The following ZNF385D variants were observed in gnomAD, a reference collection of about 807,000 sequenced individuals.
ZNF385D encodes zinc finger protein 659.
In ZNF385D, 15 loss-of-function variants were observed where a neutral mutation model predicts 35.8. The ratio of observed to expected loss-of-function variants is 0.42; its 90% CI spans 0.28 to 0.64. The LOEUF (loss-of-function observed/expected upper bound fraction) is 0.64, where lower values mean the gene tolerates loss of function less well. Among genes scored for constraint, ZNF385D ranks in the 30% least tolerant of loss-of-function variants. The pLI is 0.23. For synonymous variants in ZNF385D, 212 were observed against 186.8 expected (o/e 1.13, Z -1.10); for missense variants, 474 against 494.6 (o/e 0.96, Z 0.39).
chr3:22,342,244 T>A (rs2125480606), intron 2 of ZNF385D, among the ~76,000 whole-genome samples: 1 of 115,706 alleles, frequency 8.6e-6, no homozygotes, highest in East Asian at 2.8e-4. Context: ...CCCATTGCAC[T>A]CCAGCCTGGG....
intron 3 of ZNF385D, among the ~76,000 whole-genome samples, chr3:21,975,685 C>T (rs952585102): frequency 7.4e-6 from 1 of 136,002 alleles, no homozygotes; most frequent in Non-Finnish European, 1.6e-5. Context: ...AAATATATAC[C>T]TATTATGTAC....
chr3:21,708,464 T>A (rs1452480579), intron 1 of ZNF385D, among the ~76,000 whole-genome samples: 3 of 152,312 alleles, frequency 2.0e-5, no homozygotes, highest in Middle Eastern at 3.4e-3. Context: ...TGAACTGTTA[T>A]TCCCTCCTCC....
rs559136495 is a variant in ZNF385D at position 21,964,513 on chromosome 3, G to A, written c.325+204304C>T. On this transcript the variant is annotated intron_variant, in intron 3 of 5. Transcript: ENST00000494108. ...TTTTTTTTTTTTTTTTTTCTGAGAC[G>A]GAGTCTCACTCTGTCGCCCAGGCTG... is the stretch of plus-strand genomic sequence containing the variant. 1.1e-4 allele frequency among the ~76,000 whole-genome samples: 12 copies of A among 107,298 alleles called. No homozygotes were observed. In the South Asian group the frequency reaches 1.3e-3, roughly 11 times the overall value. The allele number at this position is 107,298 out of a possible 152,430, so 70.4% of individuals were successfully genotyped here.
At chr3:21,805,987 T>C (rs2125695582) in intron 3 of ZNF385D, among the ~76,000 whole-genome samples, 1 of 152,234 alleles carries the variant, frequency 6.6e-6, no homozygotes, top group African/African-American at 2.4e-5. Flanking sequence ...ACTGTAAAAA[T>C]ACAATGTCTA....
intron 3 of ZNF385D, among the ~76,000 whole-genome samples, chr3:22,033,563 A>G (rs949972825): frequency 2.6e-5 from 4 of 152,064 alleles, no homozygotes; most frequent in African/African-American, 9.7e-5. Context: ...ATGTCACAGA[A>G]GGAGGTAGTA....
intron 2 of ZNF385D, among the ~76,000 whole-genome samples, chr3:22,261,733 T>A (rs1459380256): frequency 2.6e-5 from 4 of 151,946 alleles, no homozygotes. Context: ...GCCTCCAGGT[T>A]GTCGTGTTCC....
chr3:22,343,749 TTAAA>T (rs1226106290), intron 2 of ZNF385D, among the ~76,000 whole-genome samples: 1 of 152,230 alleles, frequency 6.6e-6, no homozygotes, highest in Non-Finnish European at 1.5e-5. Flanking sequence ...TCTGAGAACA[TTAAA>T]TAATAGACCT....
intron 3 of ZNF385D, among the ~76,000 whole-genome samples, chr3:21,978,973 G>A (rs1028538671): frequency 6.6e-6 from 1 of 152,012 alleles, no homozygotes; most frequent in East Asian, 1.9e-4. Flanking sequence ...ATTTAAATTT[G>A]AAAGCTTATT....
rs560012103 is a variant in ZNF385D at position 21,769,287 on chromosome 3, T to A, written c.326-104259A>T. 1.7e-4 allele frequency among the ~76,000 whole-genome samples: 14 copies of A among 83,062 alleles called. No homozygotes were observed. In the East Asian group the frequency reaches 8.2e-3, roughly 48 times the overall value. 54.5% of individuals were successfully genotyped at this position (83,062 alleles called of 152,430 possible). A position where few individuals can be genotyped will look rare whatever the true frequency, so the allele number is the denominator to read the frequency against. The stretch of plus-strand genomic sequence containing the variant: ...GGTATTCAATTAGGAAAAGAGGAAG[T>A]CAAATTGTCCCTGTTTTGCAGATGA... On this transcript the variant is annotated intron_variant, in intron 3 of 5. Transcript: ENST00000494108.
chr3:21,566,209 G>A (rs947589046), intron 2 of ZNF385D, among the ~76,000 whole-genome samples: 3 of 152,142 alleles, frequency 2.0e-5, no homozygotes, highest in African/African-American at 7.2e-5. Context: ...GAACTCATGG[G>A]CGTAATCATT....
At chr3:22,255,640 A>G (rs1196797758) in intron 2 of ZNF385D, among the ~76,000 whole-genome samples, 3 of 151,640 alleles carry the variant, frequency 2.0e-5, no homozygotes, top group Non-Finnish European at 3.0e-5. Flanking sequence ...CAGCCTTTAA[A>G]AAACATCATA....
chr3:22,249,057 G>A (rs1372762962), intron 2 of ZNF385D, among the ~76,000 whole-genome samples: 1 of 152,114 alleles, frequency 6.6e-6, no homozygotes, highest in Non-Finnish European at 1.5e-5. Flanking sequence ...TTCCAGCACT[G>A]GCTGTTTAAT....
intron 1 of ZNF385D, among the ~76,000 whole-genome samples, chr3:21,715,445 C>G (rs1008600287): frequency 6.6e-6 from 1 of 152,142 alleles, no homozygotes; most frequent in Admixed American, 6.5e-5. Context: ...TTTTTAATGG[C>G]TGAATAGTAT....
At chr3:21,521,440 TA>T (rs774098086) in intron 3 of ZNF385D, among the ~76,000 whole-genome samples, 1 of 152,164 alleles carries the variant, frequency 6.6e-6, no homozygotes, top group African/African-American at 2.4e-5. Flanking sequence ...CAAGTCAGAC[TA>T]AAAAATTAAG....
intron 3 of ZNF385D, among the ~76,000 whole-genome samples, chr3:21,969,006 G>C (rs1389018673): frequency 6.6e-6 from 1 of 152,146 alleles, no homozygotes; most frequent in African/African-American, 2.4e-5. Flanking sequence ...GAGAGACACA[G>C]ATCTGGCAGC....
chr3:21,437,641 C>G (rs940522458), intron 4 of ZNF385D, among the ~76,000 whole-genome samples: 2 of 109,636 alleles, frequency 1.8e-5, no homozygotes, highest in African/African-American at 7.0e-5. Flanking sequence ...TTACTTCTGT[C>G]TTTCATTGTT....
At chr3:22,001,772 T>A (rs1695859043) in intron 3 of ZNF385D, among the ~76,000 whole-genome samples, 1 of 151,968 alleles carries the variant, frequency 6.6e-6, no homozygotes, top group Non-Finnish European at 1.5e-5. Context: ...TATAAAGTAT[T>A]TTTTCAGACC....
At chr3:21,881,443 T>C (rs1698271631) in intron 3 of ZNF385D, among the ~76,000 whole-genome samples, 1 of 152,006 alleles carries the variant, frequency 6.6e-6, no homozygotes, top group Non-Finnish European at 1.5e-5. Context: ...TGTTTACATA[T>C]TGATTTACTG....
intron 2 of ZNF385D, among the ~76,000 whole-genome samples, chr3:22,311,860 G>A (rs1401314836): frequency 6.6e-6 from 1 of 152,058 alleles, no homozygotes; most frequent in Non-Finnish European, 1.5e-5. Context: ...GTTTCTAGGA[G>A]TACTGCTATA....
Sources: allele counts gnomAD v4.1 joint callset (sites outside exome capture counted in the v4.1 genomes callset), GRCh38; gene constraint gnomAD v4.1.1; transcripts MANE v1.5; gene names NCBI Gene and HGNC (gene_info 2026-07-23, HGNC 2026-07-21).